The following CSMD1 variants were observed in gnomAD, a reference collection of about 807,000 sequenced individuals.
CSMD1 encodes CUB and Sushi multiple domains 1, also known as CUB and sushi domain-containing protein 1.
In CSMD1, 213 loss-of-function variants were observed where a neutral mutation model predicts 417.5. The observed-to-expected ratio is 0.51, with a 90% CI of 0.46 to 0.57. CSMD1 has a LOEUF of 0.57. CSMD1 is among the 20% of genes least tolerant of loss of function. The pLI is 0.00. For synonymous variants in CSMD1, 2,862 were observed against 1,736.8 expected, an observed-to-expected ratio of 1.65 and a Z score of -16.11; for missense variants, 6,923 against 4,529.7, an observed-to-expected ratio of 1.53 and a Z score of -15.17.
At chr8:3,109,396 T>A (rs1180062378) in intron 43 of CSMD1, among the ~76,000 whole-genome samples, 5 of 152,192 alleles carry the variant, frequency 3.3e-5, no homozygotes, top group African/African-American at 1.2e-4. Context: ...AAAACGGCAG[T>A]TTCATTGTGG....
intron 5 of CSMD1, among the ~76,000 whole-genome samples, chr8:3,992,808 CA>C (rs1814861711): frequency 6.6e-6 from 1 of 152,212 alleles, no homozygotes; most frequent in East Asian, 1.9e-4. Context: ...AAGGAAAGCA[CA>C]AAAAACAATT....
chr8:4,076,118 G>A (rs1799808452), intron 3 of CSMD1, among the ~76,000 whole-genome samples: 1 of 152,156 alleles, frequency 6.6e-6, no homozygotes. Context: ...CGTGTCATGG[G>A]AGGGACCCTG....
chr8:3,665,514 G>A (rs184960692), intron 7 of CSMD1, among the ~76,000 whole-genome samples: 172 of 152,222 alleles, frequency 1.1e-3, no homozygotes, highest in East Asian at 9.5e-3. Flanking sequence ...GGGCGACAGA[G>A]CGAGACTCCA....
intron 3 of CSMD1, among the ~76,000 whole-genome samples, chr8:4,238,946 T>A (rs915369504): frequency 6.6e-6 from 1 of 152,228 alleles, no homozygotes; most frequent in Non-Finnish European, 1.5e-5. Context: ...TCTACCCTGT[T>A]CTTCTGTAGA....
chr8:4,861,196 G>A (rs1003412904), intron 1 of CSMD1, among the ~76,000 whole-genome samples: 1 of 152,142 alleles, frequency 6.6e-6, no homozygotes, highest in Non-Finnish European at 1.5e-5. Flanking sequence ...ATTTATCTCA[G>A]AGACCTGCTC....
chr8:4,110,448 A>G (rs570108271), intron 3 of CSMD1, among the ~76,000 whole-genome samples: 1 of 152,282 alleles, frequency 6.6e-6, no homozygotes, highest in East Asian at 1.9e-4. Context: ...CTTTTCCTTT[A>G]AGCCAGATCC....
chr8:3,278,408 CAT>C (rs750726824), intron 26 of CSMD1: 4 of 152,164 alleles, frequency 2.6e-5, no homozygotes, highest in Admixed American at 6.5e-5. Flanking sequence ...GCTTATTTCA[CAT>C]GTTACTGACA....
rs567986879 is a variant in CSMD1, at chr8:4,726,767, T to C, written c.86-89209A>G. Among the ~76,000 whole-genome samples the C allele has an allele frequency of 2.6e-5, 4 of 152,358 alleles. No individual in the cohort carries two copies. The South Asian group carries it at 6.2e-4, about 24-fold the overall frequency. ...TGGGTTATGACTGCATGTCCTTTCC[T>C]ATGTTCTGGCTTGTATTAAAAATTG... is the stretch of plus-strand genomic sequence containing the variant. On this transcript the variant is annotated intron_variant, in intron 1 of 69. Coordinates refer to ENST00000635120, the MANE Select transcript of CSMD1 (RefSeq NM_033225.6).
intron 1 of CSMD1, among the ~76,000 whole-genome samples, chr8:4,976,720 T>C (rs1010281223): frequency 4.6e-5 from 7 of 152,342 alleles, no homozygotes; most frequent in Non-Finnish European, 1.5e-5. Context: ...CCCCATGCCA[T>C]GTCCAGCATG....
chr8:3,626,896 ATATT>A (rs968282443), intron 7 of CSMD1, among the ~76,000 whole-genome samples: 10 of 150,128 alleles, frequency 6.7e-5, no homozygotes, highest in African/African-American at 2.4e-4. Flanking sequence ...TAATAAATTA[ATATT>A]TAATATTAAG....
chr8:3,206,299 GGTGT>G (rs970185442), intron 30 of CSMD1, among the ~76,000 whole-genome samples: 42 of 141,596 alleles, frequency 3.0e-4, no homozygotes, highest in Non-Finnish European at 5.7e-4. Context: ...GTGTGTGTGG[GGTGT>G]GTGTGTATCT....
chr8:4,038,888 T>C (rs1405359225), intron 3 of CSMD1, among the ~76,000 whole-genome samples: 3 of 152,146 alleles, frequency 2.0e-5, no homozygotes, highest in South Asian at 2.1e-4. Flanking sequence ...CCATTCTAAA[T>C]ATGCACACGA....
At chr8:4,974,047 G>C (rs184082302) in intron 1 of CSMD1, among the ~76,000 whole-genome samples, 8 of 152,274 alleles carry the variant, frequency 5.3e-5, no homozygotes, top group Admixed American at 2.0e-4. Context: ...TTTAGACAGA[G>C]TCTCACCCTG....
chr8:4,295,707 G>C (rs36145180), intron 3 of CSMD1, among the ~76,000 whole-genome samples: 3 of 138,510 alleles, frequency 2.2e-5, no homozygotes, highest in Non-Finnish European at 4.6e-5. Flanking sequence ...GTTATATATT[G>C]TGTTAAAATT....
At chr8:4,081,560 T>C (rs991052898) in intron 3 of CSMD1, among the ~76,000 whole-genome samples, 1 of 152,164 alleles carries the variant, frequency 6.6e-6, no homozygotes. Flanking sequence ...TGTGCTCATG[T>C]TGACCTAGTT....
chr8:3,886,424 A>G (rs1397850967), intron 5 of CSMD1, among the ~76,000 whole-genome samples: 1 of 152,186 alleles, frequency 6.6e-6, no homozygotes, highest in African/African-American at 2.4e-5. Flanking sequence ...TTTAGAATGT[A>G]ATCGATTTAA....
chr8:4,298,709 A>G (rs1364751312), intron 3 of CSMD1, among the ~76,000 whole-genome samples: 1 of 152,142 alleles, frequency 6.6e-6, no homozygotes, highest in Admixed American at 6.5e-5. Flanking sequence ...CTGATACTAA[A>G]TCAAGTATTT....
intron 51 of CSMD1, among the ~76,000 whole-genome samples, chr8:3,023,215 C>G: frequency 6.6e-6 from 1 of 152,282 alleles, no homozygotes; most frequent in African/African-American, 2.4e-5. Context: ...TCTTCAAAGA[C>G]CAGCCCGGAC....
intron 3 of CSMD1, among the ~76,000 whole-genome samples, chr8:4,354,480 G>T (rs1028978125): frequency 2.6e-5 from 4 of 152,130 alleles, no homozygotes; most frequent in South Asian, 2.1e-4. Flanking sequence ...ACATGGGGTG[G>T]AATGTCAGAG....
Sources: allele counts gnomAD v4.1 joint callset (sites outside exome capture counted in the v4.1 genomes callset), GRCh38; gene constraint gnomAD v4.1.1; transcripts MANE v1.5; gene names NCBI Gene and HGNC (gene_info 2026-07-23, HGNC 2026-07-21).